PRIM1: variants seen among roughly 807,000 people sequenced by gnomAD.
PRIM1 encodes DNA primase small subunit.
PRIM1 carries 38 observed loss-of-function variants against 60.2 expected under a neutral mutation model. The observed-to-expected ratio is 0.63, with a 90% CI of 0.49 to 0.83. The LOEUF (loss-of-function observed/expected upper bound fraction) is 0.83, where lower values mean the gene tolerates loss of function less well. PRIM1 is among the 40% of genes least tolerant of loss of function. PRIM1 has a pLI of 0.00. For missense variants in PRIM1, 388 were observed against 506.2 expected (o/e 0.77, Z 2.24); for synonymous variants, 158 against 160.2 (o/e 0.99, Z 0.10).
chr12:56,747,619 G>T (rs1953917069), intron 2 of PRIM1, among the ~76,000 whole-genome samples: 1 of 152,166 alleles, frequency 6.6e-6, no homozygotes, highest in African/African-American at 2.4e-5. Context: ...GATGGCATAT[G>T]CCTGTAGTCC....
rs1256665147 is a variant in PRIM1 at position 56,741,441 on chromosome 12, T to C, written c.976A>G (p.Lys326Glu). The change falls in exon 9 of 13, where the codon AAA (lysine) becomes GAA (glutamate). Residue 326 changes from lysine to glutamate, a missense_variant. By Grantham distance (56) the Lys-to-Glu change is moderately conservative (BLOSUM62 1). Transcript: ENST00000338193. ...TAGTTTCCTTGTGTAGTACCTGTTTTAGGATGAACACTAAAAGGGCTCTTC... is the reference window on the plus strand; with the variant it reads ...TAGTTTCCTTGTGTAGTACCTGTTTCAGGATGAACACTAAAAGGGCTCTTC... Reference protein sequence around the residue: ...LLKSPFSVHPKTGRISVPIDL... With the variant: ...LLKSPFSVHPETGRISVPIDL... 1 of 1,609,430 alleles carries C rather than the reference T, an allele frequency of 6.2e-7. No homozygotes were observed. The highest frequency in any genetic ancestry group is 2.2e-5 in the East Asian group (1 of 44,864).
intron 11 of PRIM1, among the ~76,000 whole-genome samples, chr12:56,734,506 C>A (rs1953808963): frequency 6.6e-6 from 1 of 151,694 alleles, no homozygotes; most frequent in Non-Finnish European, 1.5e-5. Context: ...CTCAAGGGAT[C>A]TTCCCATCTC....
In PRIM1 at chr12:56,741,518, T is replaced by G; in HGVS notation, c.899A>C (p.Tyr300Ser). 1 of 1,613,528 alleles carries G rather than the reference T, an allele frequency of 6.2e-7. No homozygotes were observed. The highest frequency in any genetic ancestry group is 1.1e-5 in the South Asian group (1 of 91,036). ...PWLEWEIMLQ[Y>S]CFPRLDINVS... ...ATTGATATCCAGCCGTGGAAAACAG[T>G]ACTGGAGCATAATCTCCCACTCCAG... The change falls in exon 9 of 13, where the codon TAC (tyrosine) becomes TCC (serine). Residue 300 changes from tyrosine to serine, a missense_variant. By Grantham distance (144) the Tyr-to-Ser change is moderately radical (BLOSUM62 -2). Around this residue, in one of 3 missense-constraint regions of PRIM1, gnomAD observed 211 missense variants for 277.9 expected, o/e 0.76. Coordinates refer to ENST00000338193, the MANE Select transcript of PRIM1 (RefSeq NM_000946.3).
intron 6 of PRIM1, 38 bp downstream of exon 6, chr12:56,744,027 C>T (rs1265847324): frequency 1.4e-6 from 2 of 1,444,498 alleles, no homozygotes; most frequent in Admixed American, 2.1e-5. Flanking sequence ...GCCGGTAAAT[C>T]AGACACCTTA....
In PRIM1 at chr12:56,738,441, T is replaced by C; in HGVS notation, c.1137A>G (p.Arg379=). Residue 379 remains arginine (R), a synonymous_variant, in exon 11 of 13, where the codon AGA becomes AGG. Transcript: ENST00000338193. ...ENEAESDVKH[R]TRDYKKTSLA... ...TTCAAAATATTACCTTACCTCTGGT[T>C]CTATGTTTGACATCAGATTCAGCTT... The C allele has an allele frequency of 6.3e-7, 1 of 1,579,140 alleles. No homozygotes were observed. The highest frequency in any genetic ancestry group is 8.6e-7 in the Non-Finnish European group (1 of 1,160,674).
intron 5 of PRIM1, among the ~76,000 whole-genome samples, chr12:56,744,796 T>G (rs976645223): frequency 6.6e-6 from 1 of 151,998 alleles, no homozygotes; most frequent in African/African-American, 2.4e-5. Flanking sequence ...TAATTATAAT[T>G]AAAACATTTC....
rs1953976039 is a variant in PRIM1 at position 56,752,209 on chromosome 12, G to A, written c.90C>T (p.Leu30=). 2 of 1,598,928 alleles carry A rather than the reference G, an allele frequency of 1.3e-6. No homozygotes were observed. Among genetic ancestry groups the A allele is most frequent in the African/African-American group, 2.7e-5 (2 of 74,470 alleles). Residue 30 remains leucine, a synonymous_variant, in exon 1 of 13, where the codon CTC becomes CTT. Coordinates refer to ENST00000338193, the MANE Select transcript of PRIM1 (RefSeq NM_000946.3). Reference sequence around the variant, plus strand: ...CGCCTCCATCACCTCCACCGTAGTTGAGCCAGCGATAGTACTGAGAGTAGG... The same window carrying A: ...CGCCTCCATCACCTCCACCGTAGTTAAGCCAGCGATAGTACTGAGAGTAGG... ...LFPYSQYYRW[L]NYGGVIKNYF...
chr12:56,732,225 T>A (rs1953789742), intron 12 of PRIM1, among the ~76,000 whole-genome samples: 1 of 152,234 alleles, frequency 6.6e-6, no homozygotes, highest in Admixed American at 6.5e-5. Flanking sequence ...TTGACACTGC[T>A]ATCCTCTTTG....
chr12:56,737,638 C>T (rs118097433), intron 11 of PRIM1, among the ~76,000 whole-genome samples: 11,312 of 151,250 alleles, frequency 0.075, 480 homozygotes, highest in African/African-American at 0.099. Flanking sequence ...TGTGAGCCAT[C>T]GCGCCTGGCC....
At chr12:56,738,381 A>G (rs188257926) in intron 11 of PRIM1, 53 bp downstream of exon 11, 3 of 1,521,912 alleles carry the variant, frequency 2.0e-6, no homozygotes, top group African/African-American at 1.5e-5. Flanking sequence ...TGACAGATGG[A>G]TATCTATATA....
At chr12:56,746,571 C>T (rs576328843) in intron 4 of PRIM1, among the ~76,000 whole-genome samples, 1 of 150,442 alleles carries the variant, frequency 6.6e-6, no homozygotes, top group African/African-American at 2.4e-5. Context: ...GCAGAGGTTG[C>T]AGTGAGCCGA....
At chr12:56,735,584 G>A (rs1392932965) in intron 11 of PRIM1, among the ~76,000 whole-genome samples, 1 of 151,952 alleles carries the variant, frequency 6.6e-6, no homozygotes, top group Admixed American at 6.6e-5. Flanking sequence ...GTAGAGACAA[G>A]GTCTTGTGTT....
At chr12:56,733,159 G>GTTT (rs10714181) in intron 12 of PRIM1, among the ~76,000 whole-genome samples, 4 of 127,018 alleles carry the variant, frequency 3.1e-5, no homozygotes, top group Admixed American at 1.6e-4. Context: ...CCGGCCTAGG[G>GTTT]TTTTTTTTTT....
At chr12:56,746,670 A>C in intron 4 of PRIM1, 111 bp downstream of exon 4, 1 of 643,864 alleles carries the variant, frequency 1.6e-6, no homozygotes. Flanking sequence ...ACACACACAC[A>C]CACACAAATT....
At chr12:56,736,324 A>G (rs1210462893) in intron 11 of PRIM1, among the ~76,000 whole-genome samples, 1 of 149,708 alleles carries the variant, frequency 6.7e-6, no homozygotes. Context: ...AAAAAAAAAA[A>G]AAAGAATATA....
chr12:56,749,243 A>C (rs1360355544), intron 2 of PRIM1, among the ~76,000 whole-genome samples: 2 of 152,104 alleles, frequency 1.3e-5, no homozygotes, highest in Admixed American at 6.5e-5. Context: ...TCCTGACCTC[A>C]AGTTATCTGC....
intron 2 of PRIM1, among the ~76,000 whole-genome samples, chr12:56,748,477 A>T (rs1953923671): frequency 6.6e-6 from 1 of 151,896 alleles, no homozygotes; most frequent in Non-Finnish European, 1.5e-5. Flanking sequence ...AATACAAAAA[A>T]TTAGCCAGGC....
chr12:56,746,663 CACACACACACACAAAT>C (rs1565906900), intron 4 of PRIM1, 102 bp downstream of exon 4: 4 of 832,570 alleles, frequency 4.8e-6, no homozygotes, highest in Non-Finnish European at 5.7e-6. Flanking sequence ...CACACACACA[CACACACACACACAAAT>C]TAATGAGATT....
chr12:56,741,838 G>GTGA lies in PRIM1; in HGVS notation c.749-4_749-2dup. 6.2e-7 allele frequency: 1 copy of GTGA among 1,613,506 alleles called. No individual in the cohort carries two copies. The highest frequency in any genetic ancestry group is 8.5e-7 in the Non-Finnish European group (1 of 1,179,478). ...CTTTGTTGAAGTTCATCATGAATTG[G>GTGA]TGATGGGTCATTAAGGAACAGACTC... is the stretch of plus-strand genomic sequence containing the variant. On this transcript the variant is annotated splice_acceptor_variant, in intron 7 of 12. Transcript: ENST00000338193. LOFTEE classifies it high-confidence loss of function.
Sources: gnomAD v4.1 joint callset for allele counts (sites outside exome capture counted in the v4.1 genomes callset) on GRCh38, gnomAD v4.1.1 for gene constraint, gnomAD v4.1.1 regional missense constraint, MANE v1.5 for transcripts, NCBI Gene and HGNC (gene_info 2026-07-23, HGNC 2026-07-21) for gene names.